The following CCDC88C variants were observed in gnomAD, a reference collection of about 807,000 sequenced individuals.
CCDC88C encodes coiled-coil and HOOK domain protein 88C.
Under a neutral mutation model 198.8 loss-of-function variants are expected in CCDC88C, and 131 were observed. The observed-to-expected ratio is 0.66, with a 90% CI of 0.57 to 0.76. The LOEUF is 0.76. Ranked by LOEUF, CCDC88C falls within the 30% of genes least tolerant of loss-of-function variation. The pLI, the probability that CCDC88C is intolerant of heterozygous loss-of-function variation, is 0.00. For synonymous variants in CCDC88C, 1,166 were observed against 1,114.7 expected (o/e 1.05, Z -0.92); for missense variants, 2,553 against 2,631.6 (o/e 0.97, Z 0.65).
chr14:91,413,760 C>T (rs1001489014), intron 2 of CCDC88C, among the ~76,000 whole-genome samples: 1 of 152,166 alleles, frequency 6.6e-6, no homozygotes, highest in African/African-American at 2.4e-5. Flanking sequence ...GAGACAATGG[C>T]CAGGTGCAGT....
At chr14:91,335,588 C>A (rs554179504) in intron 10 of CCDC88C, among the ~76,000 whole-genome samples, 1 of 152,122 alleles carries the variant, frequency 6.6e-6, no homozygotes, top group Non-Finnish European at 1.5e-5. Flanking sequence ...CAGCACAGCA[C>A]TGATGGTGTT....
At chr14:91,291,872 C>A (rs957177635) in intron 23 of CCDC88C, among the ~76,000 whole-genome samples, 3 of 152,172 alleles carry the variant, frequency 2.0e-5, no homozygotes, top group African/African-American at 7.2e-5. Context: ...ACCGGGGAGA[C>A]CTTGGCCTTC....
intron 18 of CCDC88C, 32 bp downstream of exon 18, chr14:91,307,006 C>T: frequency 1.3e-6 from 2 of 1,578,296 alleles, no homozygotes; most frequent in Non-Finnish European, 1.7e-6. Context: ...CTCTCTGTCC[C>T]CGATGGACCA....
At chr14:91,372,528 CG>C (rs199749681) in intron 3 of CCDC88C, among the ~76,000 whole-genome samples, 2 of 24,530 alleles carry the variant, frequency 8.2e-5, no homozygotes, top group Admixed American at 3.6e-4. Context: ...GGCAGTGGTG[CG>C]GGGGGGGGCG....
At chr14:91,334,411 T>C (rs895755019) in intron 10 of CCDC88C, among the ~76,000 whole-genome samples, 4 of 152,094 alleles carry the variant, frequency 2.6e-5, no homozygotes, top group Non-Finnish European at 4.4e-5. Flanking sequence ...AGCCGGCTAG[T>C]ATTTCTGGCA....
At chr14:91,402,627 C>T (rs1374633689) in intron 3 of CCDC88C, among the ~76,000 whole-genome samples, 1 of 152,116 alleles carries the variant, frequency 6.6e-6, no homozygotes, top group African/African-American at 2.4e-5. Flanking sequence ...GAGGTGTTAA[C>T]CCCAGGAAGG....
chr14:91,401,872 A>G (rs754352694), intron 3 of CCDC88C, among the ~76,000 whole-genome samples: 6 of 152,148 alleles, frequency 3.9e-5, no homozygotes, highest in Non-Finnish European at 5.9e-5. Context: ...CTGCCCATCA[A>G]AGCAGTTAAG....
chr14:91,367,511 T>C (rs753204909), intron 3 of CCDC88C, among the ~76,000 whole-genome samples: 3 of 152,088 alleles, frequency 2.0e-5, no homozygotes, highest in African/African-American at 7.2e-5. Context: ...TTTCTACACC[T>C]TTAGGTCTGC....
chr14:91,409,185 T>C lies in CCDC88C; in HGVS notation c.162-418A>G, dbSNP rs945130539. ...AAGAAAGACAGAAGGAGAAAAATGGTAGTTTTTTTTTTTTTTTAAATAGAG... is the reference window on the plus strand; with the variant it reads ...AAGAAAGACAGAAGGAGAAAAATGGCAGTTTTTTTTTTTTTTTAAATAGAG... On this transcript the variant is annotated intron_variant, in intron 2 of 29. Transcript: ENST00000389857. Among the ~76,000 whole-genome samples the C allele has an allele frequency of 1.3e-4, 8 of 63,110 alleles. No individual in the cohort carries two copies. In the Admixed American group the frequency reaches 1.8e-3, roughly 14 times the overall value. The allele number at this position is 63,110 out of a possible 152,430, so 41.4% of individuals were successfully genotyped here.
chr14:91,389,944 C>T (rs12434290), intron 3 of CCDC88C, among the ~76,000 whole-genome samples: 45,222 of 151,170 alleles, frequency 0.3, 7,073 homozygotes, highest in East Asian at 0.36. Context: ...TGGTGGCGGG[C>T]GCCTGTAGTC....
At chr14:91,411,962 CA>C (rs35255337) in intron 2 of CCDC88C, among the ~76,000 whole-genome samples, 1,732 of 97,742 alleles carry the variant, frequency 0.018, 18 homozygotes, top group African/African-American at 0.045. Context: ...GACTCCATCT[CA>C]AAAAAAAAAA....
At chr14:91,413,830 T>C (rs1886913078) in intron 2 of CCDC88C, among the ~76,000 whole-genome samples, 1 of 152,206 alleles carries the variant, frequency 6.6e-6, no homozygotes, top group Non-Finnish European at 1.5e-5. Flanking sequence ...GCCTCTTATC[T>C]GAGCTCTGTT....
At chr14:91,343,716 A>G in intron 4 of CCDC88C, 59 bp from the exon 5 acceptor site, 1 of 1,605,480 alleles carries the variant, frequency 6.2e-7, no homozygotes, top group Non-Finnish European at 8.5e-7. Context: ...TTTCAGTGAC[A>G]TGTTTACCGT....
Position 91,291,060 on chromosome 14 carries a change from T to A in CCDC88C, c.4137A>T (p.Arg1379Ser). Residue 1379 changes from arginine to serine, a missense_variant, in exon 24 of 30, where the codon AGA becomes AGT. This residue lies in a region of CCDC88C where 1,293 missense variants were observed against 1,219.6 expected (regional missense o/e 1.06). Coordinates refer to ENST00000389857, the MANE Select transcript of CCDC88C (RefSeq NM_001080414.4). ...QYIDKLNALR[R>S]HKEKLEEKIM... ...TTTTTTCTTCCAGCTTTTCCTTATGTCTTCGTAAGGCATTTAATTTGTCTC... is the reference window on the plus strand; with the variant it reads ...TTTTTTCTTCCAGCTTTTCCTTATGACTTCGTAAGGCATTTAATTTGTCTC... 6.4e-7 allele frequency: 1 copy of A among 1,573,284 alleles called. No homozygotes were observed. The highest frequency in any genetic ancestry group is 2.3e-5 in the East Asian group (1 of 44,370).
Position 91,283,362 on chromosome 14 carries a change from T to A in CCDC88C, c.4597A>T (p.Thr1533Ser). The A allele has an allele frequency of 6.2e-7, 1 of 1,609,062 alleles. No individual in the cohort carries two copies. Among genetic ancestry groups the A allele is most frequent in the South Asian group, 1.1e-5 (1 of 90,756 alleles). Residue 1533 changes from threonine (T) to serine (S), a missense_variant, in exon 26 of 30, where the codon ACC (threonine) becomes TCC (serine). Thr to Ser is a moderately conservative substitution (Grantham distance 58). Transcript: ENST00000389857. The part of the protein sequence containing the change: ...SATTTAPSNS[T>S]PIARHPGRTK... The stretch of plus-strand genomic sequence containing the variant: ...CGGCCTGGGTGCCGGGCGATGGGGG[T>A]GGAGTTGGAAGGGGCTGTAGTGGTG...
At chr14:91,415,612 CG>C (rs1887003436) in intron 2 of CCDC88C, among the ~76,000 whole-genome samples, 1 of 151,690 alleles carries the variant, frequency 6.6e-6, no homozygotes, top group African/African-American at 2.4e-5. Context: ...CCCAGCTACT[CG>C]GGAGGCTGAG....
At chr14:91,329,834 G>A (rs898547946) in intron 10 of CCDC88C, among the ~76,000 whole-genome samples, 2 of 152,198 alleles carry the variant, frequency 1.3e-5, no homozygotes, top group South Asian at 2.1e-4. Flanking sequence ...ACACAAGGTC[G>A]TTACCACTCA....
Position 91,315,735 on chromosome 14 carries a change from A to T in CCDC88C, c.1580T>A (p.Leu527Gln), listed in dbSNP as rs1415418427. The change falls in exon 14 of 30, where the codon CTG becomes CAG. Residue 527 changes from leucine (L) to glutamine (Q), a missense_variant. By Grantham distance (113) the Leu-to-Gln change is moderately radical. Coordinates refer to ENST00000389857, the MANE Select transcript of CCDC88C (RefSeq NM_001080414.4). ...LEREKQSNQD[L>Q]ETLSEELIRE... ...GATCAGCTCCTCACTGAGGGTCTCCAGATCTTGGTTGCTCTGCTTTTCTCT... is the reference window on the plus strand; with the variant it reads ...GATCAGCTCCTCACTGAGGGTCTCCTGATCTTGGTTGCTCTGCTTTTCTCT... 6.2e-7 allele frequency: 1 copy of T among 1,613,720 alleles called. No homozygotes were observed. Among genetic ancestry groups the T allele is most frequent in the Non-Finnish European group, 8.5e-7 (1 of 1,179,840 alleles).
chr14:91,303,772 G>A lies in CCDC88C; in HGVS notation c.3564C>T (p.Leu1188=), dbSNP rs111695205. ...TCTTTAGGCAGCTGTGCTGGCGGATGAGGGCCTCGTACTCGGCCGATTGCC... is the reference window on the plus strand; with the variant it reads ...TCTTTAGGCAGCTGTGCTGGCGGATAAGGGCCTCGTACTCGGCCGATTGCC... ...HERQSAEYEA[L]IRQHSCLKTL... Residue 1188 remains leucine, a synonymous_variant, in exon 20 of 30, where the codon CTC becomes CTT. Coordinates refer to ENST00000389857, the MANE Select transcript of CCDC88C (RefSeq NM_001080414.4). 3 of 1,613,410 alleles carry A rather than the reference G, an allele frequency of 1.9e-6. No individual in the cohort carries two copies. Among genetic ancestry groups the A allele is most frequent in the African/African-American group, 1.3e-5 (1 of 75,066 alleles).
Sources: gnomAD v4.1 joint callset for allele counts (sites outside exome capture counted in the v4.1 genomes callset) on GRCh38, gnomAD v4.1.1 for gene constraint, gnomAD v4.1.1 regional missense constraint, MANE v1.5 for transcripts, NCBI Gene and HGNC (gene_info 2026-07-23, HGNC 2026-07-21) for gene names.